The following ZNF793 variants were observed in gnomAD, a reference collection of about 807,000 sequenced individuals.
ZNF793 encodes the protein zinc finger protein 793.
ZNF793 carries 5 observed loss-of-function variants against 12.4 expected under a neutral mutation model. That is an observed-to-expected ratio of 0.40 (90% CI 0.21 to 0.84). The LOEUF is 0.84. Ranked by LOEUF, ZNF793 falls within the 40% of genes least tolerant of loss-of-function variation. ZNF793 has a pLI of 0.35. For synonymous variants in ZNF793, 162 were observed against 172.4 expected (o/e 0.94, Z 0.47); for missense variants, 456 against 495.0 (o/e 0.92, Z 0.75).
intron 5 of ZNF793, among the ~76,000 whole-genome samples, chr19:37,524,195 AAT>A (rs2042396414): frequency 7.6e-6 from 1 of 131,814 alleles, no homozygotes; most frequent in African/African-American, 2.7e-5. Context: ...TAATAATAAT[AAT>A]AAAGGGTTTT....
At chr19:37,510,687 A>C (rs187620421) in intron 2 of ZNF793, among the ~76,000 whole-genome samples, 2 of 150,918 alleles carry the variant, frequency 1.3e-5, no homozygotes, top group East Asian at 4.0e-4. Flanking sequence ...CTGTTTCAAA[A>C]AAAAAAATTC....
rs368875781 is a variant in ZNF793 at position 37,538,068 on chromosome 19, T to C, written c.*189T>C. ...CTGGGACTACAGGTGCCCACCACCA[T>C]GCCCGGCTAATTTTTTTTTTGTATT... On this transcript the variant is annotated 3_prime_UTR_variant, in exon 8 of 8. Coordinates refer to ENST00000627814, the MANE Select transcript of ZNF793 (RefSeq NM_001013659.3). 0.012 allele frequency: 6,990 copies of C among 591,770 alleles called. 177 individuals are homozygous for C. Among genetic ancestry groups the C allele is most frequent in the African/African-American group, 0.064 (3,364 of 52,246 alleles). The allele number at this position is 591,770 out of a possible 1,614,324, so 36.7% of individuals were successfully genotyped here.
chr19:37,535,844 G>A (rs1049497732), intron 7 of ZNF793: 2 of 152,172 alleles, frequency 1.3e-5, no homozygotes, highest in Non-Finnish European at 2.9e-5. Context: ...TTCAAAATGT[G>A]CAATATAATA....
At position 37,536,956 on chromosome 19, in the gene ZNF793, G is replaced by T. The variant is rs771290261; in HGVS notation, c.298G>T (p.Gly100Cys). The T allele has an allele frequency of 3.1e-6, 5 of 1,613,812 alleles. No individual in the cohort carries two copies. The highest frequency in any genetic ancestry group is 4.2e-6 in the Non-Finnish European group (5 of 1,179,850). ...ACGGCAAGACATGCTTTTGAGGCCA[G>T]GCGCAGCCATAAGCAAGAAAACATT... The part of the protein sequence containing the change: ...KRRQDMLLRP[G>C]AAISKKTLPK... The change falls in exon 8 of 8, where the codon GGC becomes TGC. Residue 100 changes from glycine (G) to cysteine (C), a missense_variant. Coordinates refer to ENST00000627814, the MANE Select transcript of ZNF793 (RefSeq NM_001013659.3).
rs1319126625 is a variant in ZNF793, at chr19:37,537,657, C to G, written c.999C>G (p.His333Gln). 2 of 1,613,612 alleles carry G rather than the reference C, an allele frequency of 1.2e-6. No individual in the cohort carries two copies. The highest frequency in any genetic ancestry group is 1.3e-5 in the African/African-American group (1 of 74,892). The change falls in exon 8 of 8, where the codon CAC becomes CAG. Residue 333 changes from histidine (H) to glutamine (Q), a missense_variant. By Grantham distance (24) the His-to-Gln change is conservative. Transcript: ENST00000627814. ...KSYLNVHRKMHTGERPYRCRE... is the reference protein window; with the variant it reads ...KSYLNVHRKMQTGERPYRCRE... ...ACCTCAATGTACATCGAAAAATGCACACAGGAGAAAGACCGTATCGTTGCA... is the reference window on the plus strand; with the variant it reads ...ACCTCAATGTACATCGAAAAATGCAGACAGGAGAAAGACCGTATCGTTGCA...
chr19:37,536,850 T>A, intron 7 of ZNF793, 47 bp from the exon 8 acceptor site: 2 of 1,536,768 alleles, frequency 1.3e-6, no homozygotes, highest in South Asian at 2.6e-5. Flanking sequence ...GAGCATTTCT[T>A]AAGTAGTATG....
At chr19:37,533,520 A>G (rs1412271080) in intron 7 of ZNF793, 117 bp downstream of exon 7, 6 of 818,052 alleles carry the variant, frequency 7.3e-6, no homozygotes, top group East Asian at 5.3e-5. Context: ...AGCCACGTTA[A>G]TGACTCTTCA....
At chr19:37,523,730 G>T (rs1938411258) in intron 5 of ZNF793, among the ~76,000 whole-genome samples, 1 of 152,204 alleles carries the variant, frequency 6.6e-6, no homozygotes, top group Admixed American at 6.5e-5. Flanking sequence ...CTTCAGCATT[G>T]TTGTGAATGG....
In ZNF793 at chr19:37,540,750, C is replaced by G. The variant is rs888408957; in HGVS notation, c.*2871C>G. 7 of 151,734 alleles carry G rather than the reference C, an allele frequency of 4.6e-5. No individual in the cohort carries two copies. Among genetic ancestry groups the G allele is most frequent in the African/African-American group, 1.7e-4 (7 of 41,342 alleles). 9.4% of individuals were successfully genotyped at this position (151,734 alleles called of 1,614,324 possible). A position where few individuals can be genotyped will look rare whatever the true frequency, so the allele number is the denominator to read the frequency against. ...GGTTGTACACCAATAAATGAAAAGA[C>G]TATTTTTTGAGTTAACTTTTCTAAG... On this transcript the variant is annotated 3_prime_UTR_variant, in exon 8 of 8. Coordinates refer to ENST00000627814, the MANE Select transcript of ZNF793 (RefSeq NM_001013659.3).
chr19:37,532,297 C>A, intron 5 of ZNF793, 59 bp from the exon 6 acceptor site: 1 of 1,562,756 alleles, frequency 6.4e-7, no homozygotes, highest in Non-Finnish European at 8.7e-7. Context: ...AGCCACCATG[C>A]CTGGCCCTGC....
At chr19:37,530,210 A>T (rs1232329412) in intron 5 of ZNF793, among the ~76,000 whole-genome samples, 1 of 152,082 alleles carries the variant, frequency 6.6e-6, no homozygotes, top group East Asian at 1.9e-4. Flanking sequence ...CCCCTATCTC[A>T]GTAGATGGAA....
intron 6 of ZNF793, among the ~76,000 whole-genome samples, chr19:37,532,970 T>G (rs1246438052): frequency 6.6e-6 from 1 of 152,198 alleles, no homozygotes; most frequent in East Asian, 1.9e-4. Flanking sequence ...CCTTATGAGG[T>G]AGTTACTATT....
intron 2 of ZNF793, among the ~76,000 whole-genome samples, chr19:37,509,707 C>T (rs961951173): frequency 7.9e-5 from 12 of 152,010 alleles, no homozygotes; most frequent in Non-Finnish European, 1.5e-4. Context: ...GGTTTCAGAG[C>T]AAATAATTAA....
At chr19:37,518,597 C>A (rs898322707) in intron 2 of ZNF793, among the ~76,000 whole-genome samples, 1 of 138,142 alleles carries the variant, frequency 7.2e-6, no homozygotes, top group Non-Finnish European at 1.5e-5. Context: ...AGTCCAAGAC[C>A]AGCCCGAAAA....
In ZNF793 at chr19:37,526,919, T is replaced by C. The variant is rs118191402; in HGVS notation, c.15+3465T>C. Among the ~76,000 whole-genome samples the C allele has an allele frequency of 2.4e-4, 36 of 152,258 alleles. No individual in the cohort carries two copies. In the East Asian group the frequency reaches 6.8e-3, roughly 29 times the overall value. ...CCACTGCACAGGCACTGAGTCCCCATTTTTTGTCCTTTAGAATTGTTTTCC... is the reference window on the plus strand; with the variant it reads ...CCACTGCACAGGCACTGAGTCCCCACTTTTTGTCCTTTAGAATTGTTTTCC... On this transcript the variant is annotated intron_variant, in intron 5 of 7. Coordinates refer to ENST00000627814, the MANE Select transcript of ZNF793 (RefSeq NM_001013659.3).
intron 2 of ZNF793, among the ~76,000 whole-genome samples, chr19:37,509,950 A>AT (rs919880128): frequency 3.7e-4 from 57 of 152,200 alleles, no homozygotes; most frequent in Non-Finnish European, 3.7e-4. Flanking sequence ...TGGGATATTC[A>AT]TTGGGGGGGA....
rs897832497 is a variant in ZNF793 at position 37,543,256 on chromosome 19, C to T, written c.*5377C>T. ...GAAGGGTAATAAGTTTTCTGAATAC[C>T]TTTGCATTGTCTTGTTCACATATAT... On this transcript the variant is annotated 3_prime_UTR_variant, in exon 8 of 8. Transcript: ENST00000627814. 5.3e-5 allele frequency: 8 copies of T among 152,154 alleles called. No homozygotes were observed. The highest frequency in any genetic ancestry group is 1.0e-4 in the Non-Finnish European group (7 of 68,026). 9.4% of individuals were successfully genotyped at this position (152,154 alleles called of 1,614,324 possible). A position where few individuals can be genotyped will look rare whatever the true frequency, so the allele number is the denominator to read the frequency against.
At position 37,539,348 on chromosome 19, in the gene ZNF793, A is replaced by T. The variant is rs936005131; in HGVS notation, c.*1469A>T. The T allele has an allele frequency of 2.6e-5, 4 of 152,252 alleles. No homozygotes were observed. The highest frequency in any genetic ancestry group is 9.6e-5 in the African/African-American group (4 of 41,474). 9.4% of individuals were successfully genotyped at this position (152,252 alleles called of 1,614,324 possible). Reference sequence around the variant, plus strand: ...ATTCTATATACAGGTTGTATAACTCAGAAATGTTTCATGCGTAGACCACTG... The same window carrying T: ...ATTCTATATACAGGTTGTATAACTCTGAAATGTTTCATGCGTAGACCACTG... On this transcript the variant is annotated 3_prime_UTR_variant, in exon 8 of 8. Transcript: ENST00000627814.
chr19:37,541,339 A>G lies in ZNF793; in HGVS notation c.*3460A>G, dbSNP rs2042550702. 6.6e-6 allele frequency: 1 copy of G among 152,232 alleles called. No individual in the cohort carries two copies. The highest frequency in any genetic ancestry group is 2.1e-4 in the South Asian group (1 of 4,830). The allele number at this position is 152,232 out of a possible 1,614,324, so 9.4% of individuals were successfully genotyped here. On this transcript the variant is annotated 3_prime_UTR_variant, in exon 8 of 8. Coordinates refer to ENST00000627814, the MANE Select transcript of ZNF793 (RefSeq NM_001013659.3). ...CTATGTGTACAATCTAGGAGTTGGG[A>G]GATATTAACTTTACCAACACAGGAC...
Sources: gnomAD v4.1 joint callset for allele counts (sites outside exome capture counted in the v4.1 genomes callset) on GRCh38, gnomAD v4.1.1 for gene constraint, MANE v1.5 for transcripts, NCBI Gene and HGNC (gene_info 2026-07-23, HGNC 2026-07-21) for gene names.